TMEM232: variants seen among roughly 807,000 people sequenced by gnomAD.
The protein encoded by TMEM232 is transmembrane protein 232.
In TMEM232, 80 loss-of-function variants were observed where a neutral mutation model predicts 78.8. The ratio of observed to expected loss-of-function variants is 1.01; its 90% confidence interval spans 0.85 to 1.22. The LOEUF (loss-of-function observed/expected upper bound fraction) is 1.22, where lower values mean the gene tolerates loss of function less well. Ranked by LOEUF, TMEM232 falls within the 50% of genes most tolerant of loss-of-function variation. The pLI is 0.00. For synonymous variants in TMEM232, 297 were observed against 254.3 expected (o/e 1.17, Z -1.60); for missense variants, 881 against 742.2 (o/e 1.19, Z -2.17).
At chr5:110,525,053 A>T (rs969646700) in intron 12 of TMEM232, among the ~76,000 whole-genome samples, 1 of 152,004 alleles carries the variant, frequency 6.6e-6, no homozygotes, top group Non-Finnish European at 1.5e-5. Context: ...AGTTTCTTAT[A>T]AACAGCCCAA....
At chr5:110,444,365 A>T (rs1166619827) in intron 12 of TMEM232, among the ~76,000 whole-genome samples, 2 of 151,994 alleles carry the variant, frequency 1.3e-5, no homozygotes, top group Admixed American at 6.6e-5. Context: ...ACCGAGTTCA[A>T]CCTAAAGTCC....
chr5:110,569,590 AC>A (rs1234779344), intron 10 of TMEM232, among the ~76,000 whole-genome samples: 1 of 151,840 alleles, frequency 6.6e-6, no homozygotes, highest in Non-Finnish European at 1.5e-5. Context: ...TTTCTCCAAA[AC>A]CCTGGTGACA....
At chr5:110,494,136 GTGC>G (rs1765406029) in intron 12 of TMEM232, among the ~76,000 whole-genome samples, 3 of 151,968 alleles carry the variant, frequency 2.0e-5, no homozygotes, top group African/African-American at 7.3e-5. Flanking sequence ...TGGTATATAC[GTGC>G]TACATTTTCT....
rs372613112 is a variant in TMEM232 at position 110,406,257 on chromosome 5, GAT to G, written n.309-8405_309-8404del. Among the ~76,000 whole-genome samples the G allele has an allele frequency of 2.2e-3, 180 of 80,840 alleles. 1 individual carries two copies. Among genetic ancestry groups the G allele is most frequent in the African/African-American group, 6.4e-3 (140 of 21,756 alleles). The allele number at this position is 80,840 out of a possible 152,430, so 53.0% of individuals were successfully genotyped here. On this transcript the variant is annotated intron_variant and non_coding_transcript_variant, in intron 2 of 8. Transcript: ENST00000507188. ...TCAACTTTCATCTACCTATGACACA[GAT>G]ATATATACACACACACACACACACA...
chr5:110,618,717 A>G (rs1027214294), intron 7 of TMEM232, among the ~76,000 whole-genome samples, 155 bp from the exon 8 acceptor site: 9 of 152,230 alleles, frequency 5.9e-5, no homozygotes, highest in African/African-American at 2.2e-4. Flanking sequence ...CAATTTACAT[A>G]AGCATATTTT....
At chr5:110,542,182 C>T (rs978298537) in intron 11 of TMEM232, among the ~76,000 whole-genome samples, 5 of 152,082 alleles carry the variant, frequency 3.3e-5, no homozygotes, top group African/African-American at 9.7e-5. Context: ...AAGTAAATGC[C>T]CACCAACTTT....
rs115490168 is a variant in TMEM232 at position 110,511,933 on chromosome 5, C to T, written c.1703+16655G>A. On this transcript the variant is annotated intron_variant, in intron 12 of 13. Coordinates refer to ENST00000455884, the MANE Select transcript of TMEM232 (RefSeq NM_001039763.4). ...TTAGTTCCTTAAATGCTCCATGGTC[C>T]CTTGCACCATAGGAACCTGCACATT... is the stretch of plus-strand genomic sequence containing the variant. 4.3e-3 allele frequency among the ~76,000 whole-genome samples: 649 copies of T among 152,172 alleles called. 7 individuals are homozygous for T. The highest frequency in any genetic ancestry group is 0.015 in the African/African-American group (609 of 41,510).
chr5:110,409,428 G>C (rs1755909984), intron 2 of TMEM232, among the ~76,000 whole-genome samples: 2 of 152,162 alleles, frequency 1.3e-5, no homozygotes, highest in Non-Finnish European at 2.9e-5. Context: ...ACTTGGCTGA[G>C]AGTAATTGTA....
chr5:110,681,137 G>T (rs1792699331), intron 1 of TMEM232, among the ~76,000 whole-genome samples: 1 of 152,148 alleles, frequency 6.6e-6, no homozygotes, highest in Non-Finnish European at 1.5e-5. Flanking sequence ...GCCAGGGGAG[G>T]TAGTTCTTCA....
intron 12 of TMEM232, among the ~76,000 whole-genome samples, chr5:110,479,458 T>C (rs1378106636): frequency 1.3e-5 from 2 of 151,816 alleles, no homozygotes; most frequent in African/African-American, 4.8e-5. Flanking sequence ...TAGTCACTAA[T>C]ACCTTCTCAA....
At position 110,618,420 on chromosome 5, in the gene TMEM232, C is replaced by G; in HGVS notation, c.902+9G>C. The stretch of plus-strand genomic sequence containing the variant: ...ATGAGTTACTTTGGATTTATAGGAT[C>G]ACTCTTACCAGCATTTCTTTTGAAG... On this transcript the variant is annotated intron_variant, in intron 8 of 13. Transcript: ENST00000455884. 6.5e-7 allele frequency: 1 copy of G among 1,548,376 alleles called. No individual in the cohort carries two copies. The highest frequency in any genetic ancestry group is 8.7e-7 in the Non-Finnish European group (1 of 1,146,062).
At chr5:110,524,340 A>T (rs1770082659) in intron 12 of TMEM232, among the ~76,000 whole-genome samples, 1 of 139,642 alleles carries the variant, frequency 7.2e-6, no homozygotes, top group Non-Finnish European at 1.5e-5. Context: ...AGAGAGAAAA[A>T]GAAAGAGAAA....
chr5:110,684,164 G>A (rs1793103938), intron 1 of TMEM232, among the ~76,000 whole-genome samples: 1 of 151,906 alleles, frequency 6.6e-6, no homozygotes, highest in South Asian at 2.1e-4. Context: ...ATAAAAGGGT[G>A]TCTATATCAT....
At chr5:110,636,823 T>C (rs968394558) in intron 5 of TMEM232, among the ~76,000 whole-genome samples, 7 of 152,058 alleles carry the variant, frequency 4.6e-5, no homozygotes, top group African/African-American at 1.7e-4. Context: ...AGGCACATAG[T>C]TAAGTAAGGT....
At chr5:110,467,970 C>T (rs1020995007) in intron 12 of TMEM232, among the ~76,000 whole-genome samples, 3 of 151,898 alleles carry the variant, frequency 2.0e-5, no homozygotes, top group African/African-American at 7.3e-5. Flanking sequence ...TGACATTCTT[C>T]CTGTGTGCAT....
chr5:110,531,332 A>C (rs530698934), intron 11 of TMEM232, among the ~76,000 whole-genome samples: 1 of 152,276 alleles, frequency 6.6e-6, no homozygotes, highest in East Asian at 1.9e-4. Context: ...ACACACATGA[A>C]ATTTGGTGCT....
chr5:110,644,280 T>A (rs1269117812), intron 2 of TMEM232, among the ~76,000 whole-genome samples: 1 of 151,912 alleles, frequency 6.6e-6, no homozygotes, highest in African/African-American at 2.4e-5. Context: ...CTACGCTACA[T>A]AAAGTGTCCA....
intron 11 of TMEM232, among the ~76,000 whole-genome samples, chr5:110,538,744 T>A (rs1240484923): frequency 6.6e-6 from 1 of 151,918 alleles, no homozygotes; most frequent in East Asian, 1.9e-4. Context: ...ACTGCCCCTG[T>A]CCAGGAACAT....
intron 2 of TMEM232, among the ~76,000 whole-genome samples, chr5:110,406,620 T>G (rs1026744814): frequency 6.6e-6 from 1 of 151,970 alleles, no homozygotes; most frequent in African/African-American, 2.4e-5. Context: ...TTGCAAGAAA[T>G]GCTAAAGGGA....
Sources: allele counts gnomAD v4.1 joint callset (sites outside exome capture counted in the v4.1 genomes callset), GRCh38; gene constraint gnomAD v4.1.1; transcripts MANE v1.5; gene names NCBI Gene and HGNC (gene_info 2026-07-23, HGNC 2026-07-21).